PRDM11: variants seen among roughly 807,000 people sequenced by gnomAD.
PRDM11 encodes PR domain-containing protein 11.
In PRDM11, 20 loss-of-function variants were observed where a neutral mutation model predicts 97.8. The observed-to-expected ratio is 0.20, with a 90% CI of 0.14 to 0.30. The LOEUF (loss-of-function observed/expected upper bound fraction) is 0.30. PRDM11 is among the 10% of genes least tolerant of loss of function. PRDM11 has a pLI of 1.00. For synonymous variants in PRDM11, 599 were observed against 637.7 expected (o/e 0.94, Z 0.91); for missense variants, 1,139 against 1,555.2 (o/e 0.73, Z 4.50).
intron 5 of PRDM11, among the ~76,000 whole-genome samples, chr11:45,207,094 T>C (rs931904382): frequency 6.6e-6 from 1 of 152,178 alleles, no homozygotes; most frequent in African/African-American, 2.4e-5. Flanking sequence ...TTATGACCAC[T>C]CAAAGAGCAG....
At chr11:45,181,049 A>G (rs1479080996) in intron 1 of PRDM11, among the ~76,000 whole-genome samples, 4 of 152,110 alleles carry the variant, frequency 2.6e-5, no homozygotes, top group African/African-American at 9.7e-5. Context: ...CCCAGGGCCC[A>G]GCGCCGTCCC....
intron 1 of PRDM11, among the ~76,000 whole-genome samples, chr11:45,148,014 C>A (rs769521799): frequency 3.9e-5 from 6 of 152,046 alleles, no homozygotes; most frequent in Non-Finnish European, 7.4e-5. Flanking sequence ...CTGGTCCTTG[C>A]CCACATTTCC....
At chr11:45,203,970 C>A (rs1476246023) in intron 4 of PRDM11, among the ~76,000 whole-genome samples, 1 of 152,174 alleles carries the variant, frequency 6.6e-6, no homozygotes, top group Admixed American at 6.5e-5. Flanking sequence ...ATCTTCACTT[C>A]AAAACCACAT....
At chr11:45,174,199 A>G (rs1358882211) in intron 1 of PRDM11, among the ~76,000 whole-genome samples, 1 of 152,220 alleles carries the variant, frequency 6.6e-6, no homozygotes, top group African/African-American at 2.4e-5. Context: ...CATCCAGATT[A>G]TAGCATGTAG....
At chr11:45,095,750 C>A (rs573371591), upstream of PRDM11, 1 of 697,744 alleles carries the variant, frequency 1.4e-6, no homozygotes. Flanking sequence ...TTATGATGGC[C>A]GCAGATACGA....
upstream of PRDM11, among the ~76,000 whole-genome samples, chr11:45,143,157 T>C (rs1177960449): frequency 6.6e-6 from 1 of 152,208 alleles, no homozygotes; most frequent in East Asian, 1.9e-4. Flanking sequence ...AGGTACTAAA[T>C]CCTTATTGAA....
chr11:45,098,042 T>C lies in PRDM11; in HGVS notation c.96+2141T>C, dbSNP rs183139020. On this transcript the variant is annotated intron_variant, in intron 1 of 6. Transcript: ENST00000530656. ...AAATCCCTTCACTCCCCAACTACCA[T>C]CTCAGAAGGAGGAATTAGTCACGTG... 3.3e-4 allele frequency among the ~76,000 whole-genome samples: 51 copies of C among 152,342 alleles called. No homozygotes were observed. The East Asian group carries it at 8.3e-3, about 25-fold the overall frequency.
In PRDM11 at chr11:45,198,589, G is replaced by A. The variant is rs113535244; in HGVS notation, c.487-6122G>A. Reference sequence around the variant, plus strand: ...TGAAAATCCATCTCTGCAGCATCTGGTCATGACACCATTTAGAGGAGCCCA... The same window carrying A: ...TGAAAATCCATCTCTGCAGCATCTGATCATGACACCATTTAGAGGAGCCCA... On this transcript the variant is annotated intron_variant, in intron 4 of 7. Transcript: ENST00000683152. 4.4e-3 allele frequency among the ~76,000 whole-genome samples: 665 copies of A among 152,328 alleles called. 6 individuals carry two copies. The highest frequency in any genetic ancestry group is 0.015 in the African/African-American group (618 of 41,564).
upstream of PRDM11, chr11:45,095,779 C>G (rs1000297483): frequency 1.4e-6 from 1 of 722,178 alleles, no homozygotes; most frequent in Non-Finnish European, 2.5e-6. Context: ...GCTGGGGCAC[C>G]CATTTCGGGT....
chr11:45,204,630 TG>T, intron 4 of PRDM11, 80 bp from the exon 5 acceptor site: 1 of 1,319,846 alleles, frequency 7.6e-7, no homozygotes. Context: ...GACCAGGCCC[TG>T]GGCCCTGGTT....
At chr11:45,095,706 T>C (rs2135591078), upstream of PRDM11, 3 of 673,644 alleles carry the variant, frequency 4.5e-6, no homozygotes, top group Middle Eastern at 1.2e-3. Flanking sequence ...GCATTCTCTT[T>C]TTAACCCTTC....
At chr11:45,189,847 CG>C (rs1852846162) in intron 4 of PRDM11, among the ~76,000 whole-genome samples, 1 of 151,980 alleles carries the variant, frequency 6.6e-6, no homozygotes, top group South Asian at 2.1e-4. Context: ...TTACCAAGTT[CG>C]GGGATGCTCA....
chr11:45,186,337 C>T (rs888550741), intron 4 of PRDM11, among the ~76,000 whole-genome samples: 1 of 152,100 alleles, frequency 6.6e-6, no homozygotes, highest in Admixed American at 6.6e-5. Flanking sequence ...TCCTGGTGCC[C>T]GTGAGATGCT....
chr11:45,161,786 A>C (rs1467553622), intron 1 of PRDM11, among the ~76,000 whole-genome samples: 1 of 152,200 alleles, frequency 6.6e-6, no homozygotes, highest in East Asian at 1.9e-4. Flanking sequence ...TTCAGGCTCC[A>C]AACCACACTG....
At chr11:45,119,619 CAAAAAAAAAAAAAA>C (rs56367204) in intron 1 of PRDM11, among the ~76,000 whole-genome samples, 13 of 43,056 alleles carry the variant, frequency 3.0e-4, no homozygotes, top group East Asian at 3.4e-3. Context: ...GATTCTGTCT[CAAAAAAAAAAAAAA>C]AAAAAAAAAA....
chr11:45,187,799 C>CGTGTGTGTGT (rs61613469), intron 4 of PRDM11, among the ~76,000 whole-genome samples: 118 of 147,198 alleles, frequency 8.0e-4, no homozygotes, highest in African/African-American at 2.9e-3. Flanking sequence ...AAGAAAAGTT[C>CGTGTGTGTGT]GTGTGTGTGT....
chr11:45,099,348 G>A (rs1851933420), intron 1 of PRDM11, among the ~76,000 whole-genome samples: 1 of 151,748 alleles, frequency 6.6e-6, no homozygotes, highest in Non-Finnish European at 1.5e-5. Flanking sequence ...CTACTCCAGA[G>A]GCTGAGGCAG....
intron 1 of PRDM11, among the ~76,000 whole-genome samples, chr11:45,141,295 C>T (rs1438663699): frequency 6.6e-6 from 1 of 152,224 alleles, no homozygotes; most frequent in Non-Finnish European, 1.5e-5. Flanking sequence ...CTCCTGGTGG[C>T]TGCACCCTCG....
At chr11:45,217,975 G>T (rs1854006785) in intron 5 of PRDM11, among the ~76,000 whole-genome samples, 1 of 152,076 alleles carries the variant, frequency 6.6e-6, no homozygotes, top group African/African-American at 2.4e-5. Context: ...CGTTTACTGG[G>T]GCTTGTTTTT....
Sources: allele counts gnomAD v4.1 joint callset (sites outside exome capture counted in the v4.1 genomes callset), GRCh38; gene constraint gnomAD v4.1.1; transcripts MANE v1.5; gene names NCBI Gene and HGNC (gene_info 2026-07-23, HGNC 2026-07-21).